The following KCNG3 variants were observed in gnomAD, a reference collection of about 807,000 sequenced individuals.
KCNG3 encodes voltage-gated potassium channel regulatory subunit KCNG3.
KCNG3 carries 15 observed loss-of-function variants against 29.0 expected under a neutral mutation model. The ratio of observed to expected loss-of-function variants is 0.52; its 90% CI spans 0.35 to 0.80. The LOEUF (loss-of-function observed/expected upper bound fraction) is 0.80, where lower values mean the gene tolerates loss of function less well. Among genes scored for constraint, KCNG3 ranks in the 30% least tolerant of loss-of-function variants. The pLI is 0.01. For synonymous variants in KCNG3, 322 were observed against 248.9 expected (o/e 1.29, Z -2.76); for missense variants, 512 against 605.7 (o/e 0.85, Z 1.62).
chr2:42,461,752 C>T (rs1021932596), intron 1 of KCNG3, among the ~76,000 whole-genome samples: 1 of 152,162 alleles, frequency 6.6e-6, no homozygotes, highest in African/African-American at 2.4e-5. Flanking sequence ...TACATGACTA[C>T]CACATGGGTT....
At chr2:42,429,698 G>C in the KCNG3 span, among the ~76,000 whole-genome samples, 4 of 152,118 alleles carry the variant, frequency 2.6e-5, no homozygotes, top group Non-Finnish European at 5.9e-5. Context: ...GCTTCCCCCA[G>C]GGCAGGGAGC....
chr2:42,404,599 C>T, the KCNG3 span, among the ~76,000 whole-genome samples: 1 of 152,068 alleles, frequency 6.6e-6, no homozygotes, highest in African/African-American at 2.4e-5. Flanking sequence ...CGTCGTGGCA[C>T]ACACCTTAGT....
At chr2:42,437,939 C>CAAAAAAAAAAAAAAAAAAAAAAAAAAAAA (rs58250880), downstream of KCNG3, among the ~76,000 whole-genome samples, 1 of 74,848 alleles carries the variant, frequency 1.3e-5, no homozygotes, top group African/African-American at 4.8e-5. Context: ...ACTCTGTCTC[C>CAAAAAAAAAAAAAAAAAAAAAAAAAAAAA]AAAAAAAAAA....
At chr2:42,391,894 G>A in the KCNG3 span, among the ~76,000 whole-genome samples, 3 of 152,000 alleles carry the variant, frequency 2.0e-5, no homozygotes, top group African/African-American at 2.4e-5. Flanking sequence ...GAGCCACCGC[G>A]CCCGGCCTAA....
At chr2:42,480,308 T>G (rs767796393) in intron 1 of KCNG3, among the ~76,000 whole-genome samples, 1 of 152,154 alleles carries the variant, frequency 6.6e-6, no homozygotes, top group East Asian at 1.9e-4. Flanking sequence ...ATCCCCATCT[T>G]ACAGACAAGC....
chr2:42,421,310 T>C, the KCNG3 span, among the ~76,000 whole-genome samples: 1 of 152,152 alleles, frequency 6.6e-6, no homozygotes, highest in East Asian at 1.9e-4. Context: ...CATTTATAAT[T>C]CAGAAGTGAC....
chr2:42,461,194 A>C lies in KCNG3; in HGVS notation c.666-16615T>G, dbSNP rs958719394. On this transcript the variant is annotated intron_variant, in intron 1 of 1. Transcript: ENST00000306078. ...AAACAAAACAAAACAAAAAAAAAAA[A>C]AAAAAAAAAAAGGTAGACATCATCT... is the stretch of plus-strand genomic sequence containing the variant. 3.4e-3 allele frequency among the ~76,000 whole-genome samples: 508 copies of C among 151,074 alleles called. 5 individuals are homozygous for C. Among genetic ancestry groups the C allele is most frequent in the African/African-American group, 0.011 (449 of 41,190 alleles).
the KCNG3 span, among the ~76,000 whole-genome samples, chr2:42,412,648 C>G: frequency 6.6e-6 from 1 of 152,148 alleles, no homozygotes; most frequent in Non-Finnish European, 1.5e-5. Flanking sequence ...AACCTTTGTG[C>G]ATATTTCTGC....
At chr2:42,489,925 C>G (rs1358969723) in intron 1 of KCNG3, among the ~76,000 whole-genome samples, 1 of 152,260 alleles carries the variant, frequency 6.6e-6, no homozygotes, top group Non-Finnish European at 1.5e-5. Flanking sequence ...CTCTCATCCC[C>G]TCCCTCTGGG....
At chr2:42,468,361 C>A (rs1049244111) in intron 1 of KCNG3, among the ~76,000 whole-genome samples, 8 of 151,998 alleles carry the variant, frequency 5.3e-5, no homozygotes, top group African/African-American at 1.9e-4. Context: ...ATCATAAAAT[C>A]AAAAAATCTT....
chr2:42,407,380 C>G, the KCNG3 span, among the ~76,000 whole-genome samples: 1 of 152,084 alleles, frequency 6.6e-6, no homozygotes, highest in African/African-American at 2.4e-5. Flanking sequence ...GTTGCCCAGG[C>G]TGGTCTCGAA....
intron 1 of KCNG3, among the ~76,000 whole-genome samples, chr2:42,464,236 G>A (rs1032591169): frequency 2.0e-5 from 3 of 152,050 alleles, no homozygotes; most frequent in African/African-American, 4.8e-5. Flanking sequence ...ATACTTCTAC[G>A]CACACAAAGT....
At chr2:42,423,126 G>T in the KCNG3 span, among the ~76,000 whole-genome samples, 1 of 152,036 alleles carries the variant, frequency 6.6e-6, no homozygotes, top group African/African-American at 2.4e-5. Flanking sequence ...TTTCCATTTG[G>T]ATACTTCCCA....
intron 1 of KCNG3, among the ~76,000 whole-genome samples, chr2:42,454,683 C>T (rs115365710): frequency 0.056 from 8,201 of 145,664 alleles, 265 homozygotes; most frequent in Middle Eastern, 0.11. Flanking sequence ...TTGTACTGGG[C>T]GACAGAGCAA....
At chr2:42,389,195 G>T in the KCNG3 span, among the ~76,000 whole-genome samples, 2 of 152,200 alleles carry the variant, frequency 1.3e-5, no homozygotes, top group African/African-American at 4.8e-5. Flanking sequence ...TAGGATTATA[G>T]TCATGAGCCA....
the KCNG3 span, among the ~76,000 whole-genome samples, chr2:42,418,727 C>A: frequency 1.3e-5 from 2 of 152,084 alleles, no homozygotes; most frequent in African/African-American, 4.8e-5. Flanking sequence ...AGTATGCACA[C>A]AAATGTGATT....
chr2:42,391,152 T>C, the KCNG3 span, among the ~76,000 whole-genome samples: 2 of 152,212 alleles, frequency 1.3e-5, no homozygotes, highest in African/African-American at 4.8e-5. Context: ...ATTTGCCTCA[T>C]TATGTCTTGT....
intron 1 of KCNG3, among the ~76,000 whole-genome samples, chr2:42,449,123 C>T (rs1024453532): frequency 1.3e-4 from 20 of 151,794 alleles, no homozygotes; most frequent in Non-Finnish European, 2.6e-4. Context: ...CTACATGTAC[C>T]GAGAAATGAG....
rs73930404 is a variant in KCNG3, at chr2:42,448,557, A to G, written c.666-3978T>C. 4.3e-3 allele frequency among the ~76,000 whole-genome samples: 657 copies of G among 152,172 alleles called. 2 individuals are homozygous for G. The highest frequency in any genetic ancestry group is 0.015 in the African/African-American group (604 of 41,520). On this transcript the variant is annotated intron_variant, in intron 1 of 1. Coordinates refer to ENST00000306078, the MANE Select transcript of KCNG3 (RefSeq NM_133329.6). Reference sequence around the variant, plus strand: ...TCACTCAGGTATATCTGATCGATCCATTCTATCTTATACTATGCTACTCTC... The same window carrying G: ...TCACTCAGGTATATCTGATCGATCCGTTCTATCTTATACTATGCTACTCTC...
Sources: gnomAD v4.1 joint callset for allele counts (sites outside exome capture counted in the v4.1 genomes callset) on GRCh38, gnomAD v4.1.1 for gene constraint, MANE v1.5 for transcripts, NCBI Gene and HGNC (gene_info 2026-07-23, HGNC 2026-07-21) for gene names.